Variants in LMTK2 observed in about 807,000 individuals in gnomAD.
LMTK2 encodes the protein lemur tail kinase 2.
In LMTK2, 37 loss-of-function variants were observed where a neutral mutation model predicts 127.5. The observed-to-expected ratio is 0.29, with a 90% CI of 0.22 to 0.38. LMTK2 has a LOEUF of 0.38. Among genes scored for constraint, LMTK2 ranks in the 10% least tolerant of loss-of-function variants. The probability of loss-of-function intolerance (pLI) is 1.00; values close to 1 mark genes in which losing one functional copy is unlikely to be tolerated. For synonymous variants in LMTK2, 819 were observed against 810.1 expected (o/e 1.01, Z -0.19); for missense variants, 1,694 against 1,920.3 (o/e 0.88, Z 2.20).
Position 98,150,324 on chromosome 7 carries a change from G to GA in LMTK2, c.377-1053dup, listed in dbSNP as rs147191192. Among the ~76,000 whole-genome samples the GA allele has an allele frequency of 5.8e-3, 873 of 150,760 alleles. 5 individuals carry two copies. The highest frequency in any genetic ancestry group is 8.5e-3 in the Non-Finnish European group (577 of 67,622). On this transcript the variant is annotated intron_variant, in intron 3 of 13. Coordinates refer to ENST00000297293, the MANE Select transcript of LMTK2 (RefSeq NM_014916.4). ...CCCTGTCTCAAAAAAAAAAAAAAAG[G>GA]AAAAATGAAAACTAAAATAAGATTG...
intron 11 of LMTK2, among the ~76,000 whole-genome samples, chr7:98,201,577 G>T (rs539969106): frequency 6.6e-6 from 1 of 151,484 alleles, no homozygotes; most frequent in South Asian, 2.1e-4. Flanking sequence ...TGGTGCATCT[G>T]AGGGTGGATT....
At chr7:98,133,158 C>G (rs1796548160) in intron 1 of LMTK2, among the ~76,000 whole-genome samples, 1 of 152,198 alleles carries the variant, frequency 6.6e-6, no homozygotes, top group Non-Finnish European at 1.5e-5. Flanking sequence ...CGTATTCCGC[C>G]AGACCTCATG....
rs747121962 is a variant in LMTK2 at position 98,171,614 on chromosome 7, G to A, written c.731G>A (p.Arg244Lys). The A allele has an allele frequency of 1.9e-6, 3 of 1,612,126 alleles. No individual in the cohort carries two copies. Among genetic ancestry groups the A allele is most frequent in the Non-Finnish European group, 1.7e-6 (2 of 1,179,434 alleles). The stretch of plus-strand genomic sequence containing the variant: ...GACTCACAGACCATGCTGCTGCAGA[G>A]GATGGCGTGCGAGGTCGCCGCGGGG... ...RGDSQTMLLQ[R>K]MACEVAAGLA... Residue 244 changes from arginine to lysine, a missense_variant, in exon 7 of 14, where the codon AGG (arginine) becomes AAG (lysine). Arg to Lys is a conservative substitution (Grantham distance 26, BLOSUM62 2). Transcript: ENST00000297293. This position sits in a 1 kb window ranked among gnomAD's most constrained non-coding sequence, Gnocchi z 5.1.
intron 7 of LMTK2, among the ~76,000 whole-genome samples, chr7:98,175,061 A>G (rs1797255661): frequency 6.6e-6 from 1 of 152,168 alleles, no homozygotes; most frequent in South Asian, 2.1e-4. Flanking sequence ...ACAGAGGAGA[A>G]TACTGAGGCT....
At chr7:98,151,231 T>C (rs1796848687) in intron 3 of LMTK2, 151 bp from the exon 4 acceptor site, 1 of 497,262 alleles carries the variant, frequency 2.0e-6, no homozygotes, top group Non-Finnish European at 3.5e-6. Context: ...AGCCTAAAAC[T>C]GTTTTGGCAT....
rs529635818 is a variant in LMTK2, at chr7:98,193,867, G to A, written c.3402G>A (p.Gln1134=). 2.5e-6 allele frequency: 4 copies of A among 1,614,034 alleles called. 1 individual carries two copies. The South Asian group carries it at 4.4e-5, about 18-fold the overall frequency. ...SPSALVLVQE[Q]PLPEPVLPEQ... Reference sequence around the variant, plus strand: ...CCGCCTTGGTGTTGGTACAGGAGCAGCCCCTACCCGAGCCAGTCCTCCCCG... The same window carrying A: ...CCGCCTTGGTGTTGGTACAGGAGCAACCCCTACCCGAGCCAGTCCTCCCCG... Residue 1134 remains glutamine (Q), a synonymous_variant, in exon 11 of 14, where the codon CAG becomes CAA. Transcript: ENST00000297293. This position sits in a 1 kb window ranked among gnomAD's most constrained non-coding sequence, Gnocchi z 4.1.
intron 5 of LMTK2, among the ~76,000 whole-genome samples, chr7:98,156,825 C>CT (rs1796932335): frequency 6.6e-6 from 1 of 152,186 alleles, no homozygotes; most frequent in Admixed American, 6.5e-5. Context: ...TAGTTTAAGG[C>CT]TGAAGGCTGT....
At chr7:98,124,298 G>A (rs1245630443) in intron 1 of LMTK2, among the ~76,000 whole-genome samples, 2 of 152,152 alleles carry the variant, frequency 1.3e-5, no homozygotes, top group Admixed American at 1.3e-4. Flanking sequence ...GCCTCACCAT[G>A]TACTGTCTGA....
rs991030397 is a variant in LMTK2 at position 98,176,147 on chromosome 7, A to G, written c.791+4473A>G. Among the ~76,000 whole-genome samples the G allele has an allele frequency of 2.6e-5, 4 of 152,256 alleles. 1 individual carries two copies. The highest frequency in any genetic ancestry group is 4.1e-4 in the South Asian group (2 of 4,838). Reference sequence around the variant, plus strand: ...ATGTGTATTATAAAAATATGTCTACATAATTCATTCCATTGACAGAATAAA... The same window carrying G: ...ATGTGTATTATAAAAATATGTCTACGTAATTCATTCCATTGACAGAATAAA... On this transcript the variant is annotated intron_variant, in intron 7 of 13. Coordinates refer to ENST00000297293, the MANE Select transcript of LMTK2 (RefSeq NM_014916.4).
At chr7:98,160,122 C>T (rs1192154724) in intron 6 of LMTK2, among the ~76,000 whole-genome samples, 2 of 152,068 alleles carry the variant, frequency 1.3e-5, no homozygotes, top group Non-Finnish European at 2.9e-5. Context: ...TTGTTATCTT[C>T]CAAAAACAGT....
At chr7:98,178,437 C>T (rs1265545911) in intron 7 of LMTK2, among the ~76,000 whole-genome samples, 1 of 152,176 alleles carries the variant, frequency 6.6e-6, no homozygotes, top group African/African-American at 2.4e-5. Context: ...GTCGATCGCT[C>T]TGCTCATGCG....
At chr7:98,112,813 A>G (rs1354260167) in intron 1 of LMTK2, among the ~76,000 whole-genome samples, 1 of 152,232 alleles carries the variant, frequency 6.6e-6, no homozygotes, top group East Asian at 1.9e-4. Flanking sequence ...TGGTGAAGAG[A>G]TGAGAACTGA....
intron 3 of LMTK2, among the ~76,000 whole-genome samples, chr7:98,148,508 T>TAAG (rs1318710972): frequency 2.1e-5 from 3 of 141,014 alleles, no homozygotes; most frequent in Non-Finnish European, 4.6e-5. Flanking sequence ...AAAAAAAAAA[T>TAAG]AATAATAATA....
chr7:98,176,753 A>G (rs906799096), intron 7 of LMTK2, among the ~76,000 whole-genome samples: 1 of 152,178 alleles, frequency 6.6e-6, no homozygotes, highest in African/African-American at 2.4e-5. Flanking sequence ...AGGCTGAGGC[A>G]GGAGAATCGC....
chr7:98,148,614 A>C (rs1204003259), intron 3 of LMTK2, among the ~76,000 whole-genome samples: 2 of 152,176 alleles, frequency 1.3e-5, no homozygotes, highest in Non-Finnish European at 2.9e-5. Flanking sequence ...TTTACCTGTG[A>C]ATGGGCCAAT....
intron 4 of LMTK2, among the ~76,000 whole-genome samples, chr7:98,154,439 A>G (rs1429130114): frequency 6.6e-6 from 1 of 152,258 alleles, no homozygotes; most frequent in East Asian, 1.9e-4. Context: ...CTGTAAAGTC[A>G]TAGTGAATTT....
At chr7:98,107,943 C>A (rs1413803456) in intron 1 of LMTK2, among the ~76,000 whole-genome samples, 3 of 152,016 alleles carry the variant, frequency 2.0e-5, no homozygotes, top group Non-Finnish European at 4.4e-5. Flanking sequence ...TCTCCCCCCC[C>A]GCCCATTTTC....
chr7:98,151,494 G>T (rs1249184102), intron 4 of LMTK2, 39 bp downstream of exon 4: 1 of 1,462,070 alleles, frequency 6.8e-7, no homozygotes, highest in Admixed American at 1.7e-5. Flanking sequence ...TCCTCTGAAT[G>T]ATACTGTGTT....
chr7:98,189,113 A>G (rs910921632), intron 9 of LMTK2, among the ~76,000 whole-genome samples: 1 of 151,638 alleles, frequency 6.6e-6, no homozygotes, highest in African/African-American at 2.4e-5. Flanking sequence ...TTTTTATTTC[A>G]TTTATTGAAT....
Sources: gnomAD v4.1 joint callset for allele counts (sites outside exome capture counted in the v4.1 genomes callset) on GRCh38, gnomAD v4.1.1 for gene constraint, Gnocchi (gnomAD v3.1) non-coding constraint, MANE v1.5 for transcripts, NCBI Gene and HGNC (gene_info 2026-07-23, HGNC 2026-07-21) for gene names.